Variants in PAIP1 observed in about 807,000 individuals in gnomAD.
PAIP1 encodes polyadenylate-binding protein-interacting protein 1.
PAIP1 carries 16 observed loss-of-function variants against 61.3 expected under a neutral mutation model. The observed-to-expected ratio is 0.26, with a 90% CI of 0.18 to 0.40. The LOEUF (loss-of-function observed/expected upper bound fraction) is 0.40. Among genes scored for constraint, PAIP1 ranks in the 10% least tolerant of loss-of-function variants. PAIP1 has a pLI of 1.00. For synonymous variants in PAIP1, 187 were observed against 226.2 expected, an observed-to-expected ratio of 0.83 and a Z score of 1.56; for missense variants, 416 against 600.9, an observed-to-expected ratio of 0.69 and a Z score of 3.22.
intron 2 of PAIP1, among the ~76,000 whole-genome samples, chr5:43,551,231 G>T (rs990697864): frequency 6.6e-6 from 1 of 152,076 alleles, no homozygotes; most frequent in Non-Finnish European, 1.5e-5. Context: ...ACTGAGCGCA[G>T]AACAAAGCCT....
At chr5:43,529,281 G>C (rs891241835) in intron 10 of PAIP1, among the ~76,000 whole-genome samples, 2 of 152,104 alleles carry the variant, frequency 1.3e-5, no homozygotes, top group African/African-American at 4.8e-5. Context: ...TTATGCTTAA[G>C]TATACTATAT....
rs561696129 is a variant in PAIP1, at chr5:43,530,543, A to G, written c.1253-664T>C. Among the ~76,000 whole-genome samples, 6 of 152,344 alleles carry G rather than the reference A, an allele frequency of 3.9e-5. No individual in the cohort carries two copies. The South Asian group carries it at 8.3e-4, about 21-fold the overall frequency. Reference sequence around the variant, plus strand: ...TACCTTATAGTTTCTTATGAACAGAAGCCAACGGAAATTTTGCAATTATAT... The same window carrying G: ...TACCTTATAGTTTCTTATGAACAGAGGCCAACGGAAATTTTGCAATTATAT... On this transcript the variant is annotated intron_variant, in intron 9 of 10. Transcript: ENST00000306846.
intron 2 of PAIP1, among the ~76,000 whole-genome samples, chr5:43,553,507 T>C (rs141463313): frequency 6.6e-6 from 1 of 152,348 alleles, no homozygotes; most frequent in African/African-American, 2.4e-5. Flanking sequence ...GGTGCTTGAC[T>C]CATGATAAGT....
intron 8 of PAIP1, among the ~76,000 whole-genome samples, chr5:43,534,200 A>ATT (rs34732006): frequency 5.5e-5 from 8 of 145,222 alleles, no homozygotes; most frequent in Admixed American, 1.4e-4. Flanking sequence ...CCTAGTAGCC[A>ATT]TTTTTTTTTT....
intron 2 of PAIP1, among the ~76,000 whole-genome samples, chr5:43,554,775 A>T (rs1052398289): frequency 1.3e-5 from 2 of 152,178 alleles, no homozygotes; most frequent in African/African-American, 4.8e-5. Context: ...ACTACTTGGC[A>T]GTCTCTGCTA....
At chr5:43,528,688 A>C (rs975902603) in intron 10 of PAIP1, among the ~76,000 whole-genome samples, 1 of 152,154 alleles carries the variant, frequency 6.6e-6, no homozygotes, top group Non-Finnish European at 1.5e-5. Context: ...TTAAAATATC[A>C]CTAGAATAAA....
intron 2 of PAIP1, among the ~76,000 whole-genome samples, chr5:43,548,214 AT>A (rs1409675308): frequency 1.3e-5 from 2 of 152,244 alleles, no homozygotes; most frequent in African/African-American, 2.4e-5. Context: ...CAATATAAAA[AT>A]TAAGAATCTG....
intron 1 of PAIP1, 164 bp downstream of exon 1, chr5:43,556,418 C>G (rs543039073): frequency 1.7e-4 from 212 of 1,224,166 alleles, no homozygotes; most frequent in Non-Finnish European, 2.0e-4. Flanking sequence ...CCTTCCAAAC[C>G]CGGTTCCGGG....
chr5:43,534,810 A>T (rs778853018), intron 8 of PAIP1, 43 bp downstream of exon 8: 28 of 1,052,300 alleles, frequency 2.7e-5, no homozygotes, highest in Non-Finnish European at 3.9e-5. Flanking sequence ...CCAAAACGGA[A>T]TTCAAGCAAT....
At chr5:43,556,342 C>G (rs937777905) in intron 1 of PAIP1, 96 of 1,235,952 alleles carry the variant, frequency 7.8e-5, no homozygotes, top group East Asian at 3.2e-5. Context: ...TCCCGGGACC[C>G]CGAACTCCGA....
chr5:43,556,932 A>G lies in PAIP1; in HGVS notation c.-86T>C, dbSNP rs1290696705. 1.3e-5 allele frequency: 17 copies of G among 1,291,592 alleles called. No individual in the cohort carries two copies. The highest frequency in any genetic ancestry group is 4.2e-5 in the Admixed American group (1 of 23,616). The allele number at this position is 1,291,592 out of a possible 1,614,324, so 80.0% of individuals were successfully genotyped here. On this transcript the variant is annotated 5_prime_UTR_variant, in exon 1 of 11. Coordinates refer to ENST00000306846, the MANE Select transcript of PAIP1 (RefSeq NM_006451.5). ...GGGGGGAAGGCGCCGCGGGTCGGCT[A>G]TAGCCGCCGCGCCTCACTCGGGCCT... is the stretch of plus-strand genomic sequence containing the variant.
intron 1 of PAIP1, 29 bp from the exon 2 acceptor site, chr5:43,556,028 GA>G (rs1231478230): frequency 1.9e-6 from 3 of 1,602,736 alleles, no homozygotes; most frequent in Admixed American, 1.8e-5. Flanking sequence ...CGGGGCGTCA[GA>G]TGCATTCTTT....
intron 2 of PAIP1, among the ~76,000 whole-genome samples, chr5:43,555,333 A>G (rs757021580): frequency 1.3e-5 from 2 of 152,234 alleles, no homozygotes; most frequent in Non-Finnish European, 2.9e-5. Flanking sequence ...CCACTTCTCT[A>G]TAATTAATCC....
rs895030127 is a variant in PAIP1 at position 43,557,037 on chromosome 5, G to A, written c.-191C>T. 13 of 1,010,320 alleles carry A rather than the reference G, an allele frequency of 1.3e-5. No homozygotes were observed. The highest frequency in any genetic ancestry group is 1.7e-5 in the African/African-American group (1 of 59,584). The allele number at this position is 1,010,320 out of a possible 1,614,324, so 62.6% of individuals were successfully genotyped here. ...GCGGACGGCAGCCCGAGCACCCGCCGCTCCAGAGCGCCCGCCCCGCTCGGC... is the reference window on the plus strand; with the variant it reads ...GCGGACGGCAGCCCGAGCACCCGCCACTCCAGAGCGCCCGCCCCGCTCGGC... On this transcript the variant is annotated 5_prime_UTR_variant, in exon 1 of 11. Transcript: ENST00000306846.
intron 9 of PAIP1, among the ~76,000 whole-genome samples, chr5:43,530,710 A>G (rs1377648086): frequency 1.3e-5 from 2 of 152,200 alleles, no homozygotes; most frequent in Non-Finnish European, 2.9e-5. Context: ...TCCTGCTACA[A>G]AAAGACAGGC....
intron 9 of PAIP1, among the ~76,000 whole-genome samples, chr5:43,530,328 C>A (rs985500588): frequency 6.6e-6 from 1 of 152,190 alleles, no homozygotes; most frequent in Non-Finnish European, 1.5e-5. Context: ...ATGGGGAAGG[C>A]AGCTACCTGG....
chr5:43,531,179 C>T (rs1456998452), intron 9 of PAIP1, among the ~76,000 whole-genome samples: 1 of 151,830 alleles, frequency 6.6e-6, no homozygotes, highest in Non-Finnish European at 1.5e-5. Context: ...TTCCTACTAC[C>T]CACATAAAGA....
intron 5 of PAIP1, among the ~76,000 whole-genome samples, chr5:43,538,528 C>T (rs553782195): frequency 6.6e-6 from 1 of 152,270 alleles, no homozygotes; most frequent in Non-Finnish European, 1.5e-5. Context: ...AGACTCTAGT[C>T]TCTCTTTTCA....
chr5:43,527,781 C>T (rs4349723), intron 10 of PAIP1, among the ~76,000 whole-genome samples: 149,571 of 152,278 alleles, frequency 0.98, 73,531 homozygotes, highest in Middle Eastern at 1. Context: ...GGCTCAAGAT[C>T]GATATTAATA....
Sources: allele counts gnomAD v4.1 joint callset (sites outside exome capture counted in the v4.1 genomes callset), GRCh38; gene constraint gnomAD v4.1.1; transcripts MANE v1.5; gene names NCBI Gene and HGNC (gene_info 2026-07-23, HGNC 2026-07-21).